Variants in LHFPL3 observed in about 807,000 individuals in gnomAD.
LHFPL3 encodes LHFPL tetraspan subfamily member 3 protein.
Under a neutral mutation model 19.3 loss-of-function variants are expected in LHFPL3, and 5 were observed. The ratio of observed to expected loss-of-function variants is 0.26; its 90% CI spans 0.14 to 0.54. The LOEUF (loss-of-function observed/expected upper bound fraction) is 0.54. Ranked by LOEUF, LHFPL3 falls within the 20% of genes least tolerant of loss-of-function variation. The pLI is 0.94. For missense variants in LHFPL3, 249 were observed against 307.4 expected (o/e 0.81, Z 1.42); for synonymous variants, 133 against 126.2 (o/e 1.05, Z -0.36).
chr7:104,829,406 T>C (rs1790893702), intron 2 of LHFPL3, among the ~76,000 whole-genome samples: 1 of 151,838 alleles, frequency 6.6e-6, no homozygotes, highest in Non-Finnish European at 1.5e-5. Context: ...TGTATACATG[T>C]GCCATGTTGG....
intron 1 of LHFPL3, among the ~76,000 whole-genome samples, chr7:104,471,678 C>G (rs1001757242): frequency 1.3e-5 from 2 of 152,258 alleles, no homozygotes; most frequent in East Asian, 1.9e-4. Context: ...GTTACATAAC[C>G]ATTCCATGTC....
At chr7:104,896,578 C>T (rs909726350) in intron 2 of LHFPL3, among the ~76,000 whole-genome samples, 5 of 152,170 alleles carry the variant, frequency 3.3e-5, no homozygotes, top group Admixed American at 2.0e-4. Context: ...AGGTGTTCAC[C>T]AGTTAGAAAA....
intron 1 of LHFPL3, among the ~76,000 whole-genome samples, chr7:104,416,197 G>A (rs915888440): frequency 1.3e-5 from 2 of 152,172 alleles, no homozygotes; most frequent in Admixed American, 1.3e-4. Context: ...GCAGGGAGTG[G>A]AGTGGTACAA....
At position 104,876,972 on chromosome 7, in the gene LHFPL3, T is replaced by A. The variant is rs1423931692; in HGVS notation, c.683-29215T>A. On this transcript the variant is annotated intron_variant, in intron 2 of 2. Transcript: ENST00000424859. ...TAAAAAATGATGAGTTCATGTCCTTTGTAGGGGCATGGATGAAGCTGGAAA... is the reference window on the plus strand; with the variant it reads ...TAAAAAATGATGAGTTCATGTCCTTAGTAGGGGCATGGATGAAGCTGGAAA... 3.3e-5 allele frequency among the ~76,000 whole-genome samples: 5 copies of A among 152,270 alleles called. No homozygotes were observed. The South Asian group carries it at 8.3e-4, about 25-fold the overall frequency.
intron 1 of LHFPL3, among the ~76,000 whole-genome samples, chr7:104,539,030 T>A (rs547343022): frequency 6.6e-6 from 1 of 152,154 alleles, no homozygotes; most frequent in Non-Finnish European, 1.5e-5. Context: ...AAGGAATTAA[T>A]ATGGCCTCTA....
chr7:104,906,135 ATT>A, intron 2 of LHFPL3, 50 bp from the exon 3 acceptor site: 1 of 1,565,760 alleles, frequency 6.4e-7, no homozygotes, highest in Non-Finnish European at 8.7e-7. Flanking sequence ...AAAATGATGT[ATT>A]TTTTCTCTCC....
At chr7:104,775,633 C>A (rs1328269938) in intron 2 of LHFPL3, among the ~76,000 whole-genome samples, 1 of 152,124 alleles carries the variant, frequency 6.6e-6, no homozygotes, top group Non-Finnish European at 1.5e-5. Context: ...CCTCTCATGC[C>A]AGACTGAAGA....
chr7:104,523,500 T>C lies in LHFPL3; in HGVS notation c.445+194276T>C, dbSNP rs973817250. Among the ~76,000 whole-genome samples the C allele has an allele frequency of 3.9e-5, 6 of 152,314 alleles. No homozygotes were observed. In the South Asian group the frequency reaches 1.2e-3, roughly 32 times the overall value. ...AAATACAATTTGCTGCATGACTCATTAACCAAAGCTGATCAGGAGACACTT... is the reference window on the plus strand; with the variant it reads ...AAATACAATTTGCTGCATGACTCATCAACCAAAGCTGATCAGGAGACACTT... On this transcript the variant is annotated intron_variant, in intron 1 of 2. Transcript: ENST00000424859.
chr7:104,883,761 G>C (rs1262478314), intron 2 of LHFPL3, among the ~76,000 whole-genome samples: 1 of 152,198 alleles, frequency 6.6e-6, no homozygotes, highest in Non-Finnish European at 1.5e-5. Context: ...GATATTTTAA[G>C]AATCTTCCAT....
intron 1 of LHFPL3, among the ~76,000 whole-genome samples, chr7:104,686,298 C>T (rs66484036): frequency 0.11 from 16,304 of 152,170 alleles, 995 homozygotes; most frequent in African/African-American, 0.12. Flanking sequence ...GGCACCTACA[C>T]CACCATGGGG....
chr7:104,708,974 G>A (rs140202301), intron 1 of LHFPL3, among the ~76,000 whole-genome samples: 3 of 152,116 alleles, frequency 2.0e-5, no homozygotes, highest in African/African-American at 7.2e-5. Flanking sequence ...ATTTGCCAAG[G>A]ATATGTAAAA....
intron 1 of LHFPL3, among the ~76,000 whole-genome samples, chr7:104,534,252 C>T (rs113459110): frequency 7.9e-5 from 12 of 152,120 alleles, no homozygotes; most frequent in African/African-American, 2.4e-4. Flanking sequence ...GAAAAAAATC[C>T]GTGAAATGCT....
At chr7:104,715,260 G>A (rs1044271296) in intron 1 of LHFPL3, among the ~76,000 whole-genome samples, 12 of 152,196 alleles carry the variant, frequency 7.9e-5, no homozygotes, top group African/African-American at 1.9e-4. Context: ...GTGAATGTGT[G>A]AGTCTGATAC....
At chr7:104,599,621 G>C (rs1202963971) in intron 1 of LHFPL3, among the ~76,000 whole-genome samples, 6 of 152,192 alleles carry the variant, frequency 3.9e-5, no homozygotes, top group Admixed American at 3.9e-4. Context: ...CCAAGAATAT[G>C]AGAATGAACC....
intron 1 of LHFPL3, among the ~76,000 whole-genome samples, chr7:104,448,412 T>TACCCTATAA: frequency 6.6e-6 from 1 of 152,186 alleles, no homozygotes; most frequent in South Asian, 2.1e-4. Context: ...ATTACCCAGT[T>TACCCTATAA]TTGGTAAACA....
chr7:104,529,036 C>G (rs1340345543), intron 1 of LHFPL3, among the ~76,000 whole-genome samples: 1 of 152,180 alleles, frequency 6.6e-6, no homozygotes, highest in Non-Finnish European at 1.5e-5. Context: ...GCCTCAGGCT[C>G]TACATGATAG....
intron 2 of LHFPL3, among the ~76,000 whole-genome samples, chr7:104,878,060 C>T (rs996140534): frequency 1.3e-5 from 2 of 152,054 alleles, no homozygotes; most frequent in African/African-American, 2.4e-5. Flanking sequence ...GTCTTTAACT[C>T]CTGAGCTCAG....
At position 104,360,604 on chromosome 7, in the gene LHFPL3, TA is replaced by T. The variant is rs35069846; in HGVS notation, c.445+31384del. 6.6e-3 allele frequency among the ~76,000 whole-genome samples: 999 copies of T among 152,132 alleles called. 68 individuals carry two copies. In the East Asian group the frequency reaches 0.16, roughly 24 times the overall value. ...CAGAAATATACATGGAGCTTGATGA[TA>T]AAACACAGGCTTTGTAGTCATTATA... is the stretch of plus-strand genomic sequence containing the variant. On this transcript the variant is annotated intron_variant, in intron 1 of 2. Coordinates refer to ENST00000424859, the MANE Select transcript of LHFPL3 (RefSeq NM_199000.3).
rs989612284 is a variant in LHFPL3 at position 104,819,058 on chromosome 7, C to T, written c.682+82147C>T. ...TGTGGCATTCATAATGTTTATTTTGCATGCCTTCAAGAGTTAGGCAAAGCC... is the reference window on the plus strand; with the variant it reads ...TGTGGCATTCATAATGTTTATTTTGTATGCCTTCAAGAGTTAGGCAAAGCC... On this transcript the variant is annotated intron_variant, in intron 2 of 2. Coordinates refer to ENST00000424859, the MANE Select transcript of LHFPL3 (RefSeq NM_199000.3). 9.2e-5 allele frequency among the ~76,000 whole-genome samples: 14 copies of T among 152,172 alleles called. No homozygotes were observed. In the East Asian group the frequency reaches 2.5e-3, roughly 27 times the overall value.
Sources: gnomAD v4.1 joint callset for allele counts (sites outside exome capture counted in the v4.1 genomes callset) on GRCh38, gnomAD v4.1.1 for gene constraint, MANE v1.5 for transcripts, NCBI Gene and HGNC (gene_info 2026-07-23, HGNC 2026-07-21) for gene names.